The following MYRIP variants were observed in gnomAD, a reference collection of about 807,000 sequenced individuals.
The protein encoded by MYRIP is rab effector MyRIP.
In MYRIP, 49 loss-of-function variants were observed where a neutral mutation model predicts 98.0. The observed-to-expected ratio is 0.50, with a 90% CI of 0.40 to 0.63. MYRIP has a LOEUF of 0.63. Ranked by LOEUF, MYRIP falls within the 30% of genes least tolerant of loss-of-function variation. The pLI is 0.00. For synonymous variants in MYRIP, 404 were observed against 409.5 expected (o/e 0.99, Z 0.16); for missense variants, 1,004 against 1,058.2 (o/e 0.95, Z 0.71).
chr3:39,963,407 A>G (rs1031494931), intron 2 of MYRIP, among the ~76,000 whole-genome samples: 6 of 152,168 alleles, frequency 3.9e-5, no homozygotes, highest in Admixed American at 6.6e-5. Flanking sequence ...CCATCCATCC[A>G]TCATCTCATT....
intron 10 of MYRIP, among the ~76,000 whole-genome samples, chr3:40,208,526 A>G (rs17076770): frequency 0.085 from 12,977 of 152,218 alleles, 849 homozygotes; most frequent in African/African-American, 0.19. Context: ...TACTCACAGA[A>G]GGAGTTTAGG....
intron 2 of MYRIP, among the ~76,000 whole-genome samples, chr3:40,009,488 G>A (rs907904452): frequency 5.9e-5 from 9 of 151,868 alleles, no homozygotes; most frequent in Admixed American, 2.0e-4. Flanking sequence ...CGCCCGCCTC[G>A]GCCTCGGCCT....
At chr3:40,106,340 T>G (rs1184123727) in intron 3 of MYRIP, among the ~76,000 whole-genome samples, 3 of 152,108 alleles carry the variant, frequency 2.0e-5, no homozygotes, top group Non-Finnish European at 4.4e-5. Context: ...AGAATTTTTG[T>G]TTTTGGTGGA....
chr3:40,025,783 G>T (rs949909517), intron 2 of MYRIP, among the ~76,000 whole-genome samples: 1 of 152,074 alleles, frequency 6.6e-6, no homozygotes, highest in African/African-American at 2.4e-5. Flanking sequence ...AGGGGAGGGG[G>T]TGTACGAACA....
At chr3:40,218,624 A>ATTTTT (rs1331758980) in intron 11 of MYRIP, among the ~76,000 whole-genome samples, 2 of 12,270 alleles carry the variant, frequency 1.6e-4, no homozygotes, top group African/African-American at 2.7e-4. Context: ...ATATATATAT[A>ATTTTT]TATATATATA....
At chr3:39,967,377 G>C (rs1443132778) in intron 2 of MYRIP, among the ~76,000 whole-genome samples, 1 of 152,140 alleles carries the variant, frequency 6.6e-6, no homozygotes, top group African/African-American at 2.4e-5. Context: ...GTTTGCTAAA[G>C]ATAATGGCCT....
At chr3:39,846,490 T>G (rs1467139048) in intron 1 of MYRIP, among the ~76,000 whole-genome samples, 2 of 152,124 alleles carry the variant, frequency 1.3e-5, no homozygotes, top group Non-Finnish European at 1.5e-5. Flanking sequence ...CTTCCCTTTC[T>G]CTCTCCCAAG....
Position 39,936,079 on chromosome 3 carries a change from G to A in MYRIP, c.110+35153G>A, listed in dbSNP as rs187093721. 4.2e-3 allele frequency among the ~76,000 whole-genome samples: 621 copies of A among 146,210 alleles called. 3 individuals carry two copies. Among genetic ancestry groups the A allele is most frequent in the African/African-American group, 0.016 (597 of 36,582 alleles). The stretch of plus-strand genomic sequence containing the variant: ...TGTTATTCAAATTCTATTGAATAAC[G>A]TTCATCCCCATTTTCCTGTTTGGAT... On this transcript the variant is annotated intron_variant, in intron 2 of 16. Coordinates refer to ENST00000302541, the MANE Select transcript of MYRIP (RefSeq NM_015460.4).
At chr3:40,136,656 TA>T (rs1160221917) in intron 3 of MYRIP, among the ~76,000 whole-genome samples, 10 of 151,728 alleles carry the variant, frequency 6.6e-5, no homozygotes, top group African/African-American at 1.9e-4. Context: ...TCAGCAAATG[TA>T]AAAGAACAGA....
At chr3:40,155,441 G>A (rs1457863863) in intron 4 of MYRIP, among the ~76,000 whole-genome samples, 8 of 151,904 alleles carry the variant, frequency 5.3e-5, no homozygotes, top group South Asian at 4.2e-4. Context: ...GAATAATGCC[G>A]CACTAAACAT....
At chr3:40,074,693 G>A (rs1176170878) in intron 3 of MYRIP, among the ~76,000 whole-genome samples, 3 of 152,072 alleles carry the variant, frequency 2.0e-5, no homozygotes, top group African/African-American at 7.2e-5. Flanking sequence ...CCAGACCACA[G>A]ACTGGGAGAA....
chr3:40,190,424 T>A lies in MYRIP; in HGVS notation c.1626T>A (p.Ser542=). 17 of 1,607,708 alleles carry A rather than the reference T, an allele frequency of 1.1e-5. No homozygotes were observed. Among genetic ancestry groups the A allele is most frequent in the Non-Finnish European group, 1.4e-5 (17 of 1,176,872 alleles). Residue 542 remains serine (S), a synonymous_variant, in exon 10 of 17, where the codon TCT becomes TCA. Coordinates refer to ENST00000302541, the MANE Select transcript of MYRIP (RefSeq NM_015460.4). ...LGSEEPSKEP[S]SPSAQLRDLD... ...CAGAAGAGCCAAGCAAAGAACCATC[T>A]TCCCCCAGCGCCCAGCTCCGGGATC...
rs1055224192 is a variant in MYRIP at position 40,189,888 on chromosome 3, C to T, written c.1090C>T (p.Pro364Ser). Reference sequence around the variant, plus strand: ...GGTGGCCCTGAAGGATGGCGCTCCACCCCCCACCCGACTACTGGCCAAACC... The same window carrying T: ...GGTGGCCCTGAAGGATGGCGCTCCATCCCCCACCCGACTACTGGCCAAACC... ...NWVALKDGAP[P>S]PTRLLAKPKS... is the part of the protein sequence containing the mutation. Residue 364 changes from proline (P) to serine (S), a missense_variant, in exon 10 of 17, where the codon CCC becomes TCC. Pro to Ser is a moderately conservative substitution (Grantham distance 74). Transcript: ENST00000302541. 1 of 1,614,030 alleles carries T rather than the reference C, an allele frequency of 6.2e-7. No individual in the cohort carries two copies.
chr3:40,151,227 G>C, intron 4 of MYRIP, 43 bp downstream of exon 4: 1 of 1,555,422 alleles, frequency 6.4e-7, no homozygotes, highest in Non-Finnish European at 8.7e-7. Flanking sequence ...TGGTGGGCTG[G>C]TGGGTAGAAG....
chr3:39,988,091 A>G (rs1946077976), intron 2 of MYRIP, among the ~76,000 whole-genome samples: 2 of 152,108 alleles, frequency 1.3e-5, no homozygotes, highest in Admixed American at 1.3e-4. Flanking sequence ...ATTCTGACTC[A>G]TAGGTGGGAA....
intron 10 of MYRIP, among the ~76,000 whole-genome samples, chr3:40,192,326 G>GTCATATATATATATA (rs1217627490): frequency 5.8e-4 from 10 of 17,146 alleles, no homozygotes; most frequent in African/African-American, 1.8e-3. Flanking sequence ...ATATATATAT[G>GTCATATATATATATA]TCATATATAT....
intron 3 of MYRIP, among the ~76,000 whole-genome samples, chr3:40,117,145 T>C (rs1258016499): frequency 3.9e-5 from 6 of 152,212 alleles, no homozygotes; most frequent in African/African-American, 1.2e-4. Context: ...TAAAAGTTTG[T>C]TATTTTGACA....
At chr3:39,844,919 C>A (rs1941914307) in intron 1 of MYRIP, among the ~76,000 whole-genome samples, 1 of 152,220 alleles carries the variant, frequency 6.6e-6, no homozygotes, top group Admixed American at 6.5e-5. Flanking sequence ...GCTTACTCTG[C>A]CACCTGGACT....
At position 40,234,061 on chromosome 3, in the gene MYRIP, G is replaced by A. The variant is rs374633214; in HGVS notation, c.2100+8G>A. 2 of 1,592,936 alleles carry A rather than the reference G, an allele frequency of 1.3e-6. No homozygotes were observed. The highest frequency in any genetic ancestry group is 2.2e-5 in the East Asian group (1 of 44,666). On this transcript the variant is annotated splice_region_variant and intron_variant, in intron 12 of 16. Transcript: ENST00000302541. ...ACTTCCCTGGAAGAAAATGTAAGAG[G>A]GTATGGAGGTGCCCTGTCTAGGGTG...
Sources: gnomAD v4.1 joint callset for allele counts (sites outside exome capture counted in the v4.1 genomes callset) on GRCh38, gnomAD v4.1.1 for gene constraint, MANE v1.5 for transcripts, NCBI Gene and HGNC (gene_info 2026-07-23, HGNC 2026-07-21) for gene names.